Variants in IL1RAPL1 observed in about 807,000 individuals in gnomAD.
IL1RAPL1 encodes the protein interleukin 1 receptor accessory protein like 1.
IL1RAPL1 carries 3 observed loss-of-function variants against 48.4 expected under a neutral mutation model. The ratio of observed to expected loss-of-function variants is 0.06; its 90% confidence interval spans 0.03 to 0.16. The LOEUF is 0.16. Among genes scored for constraint, IL1RAPL1 ranks in the 10% least tolerant of loss-of-function variants. The pLI is 1.00. For missense variants in IL1RAPL1, 349 were observed against 530.6 expected (o/e 0.66, Z 3.36); for synonymous variants, 185 against 187.7 (o/e 0.99, Z 0.12).
At chrX:29,143,376 G>A (rs1929283182) in intron 2 of IL1RAPL1, among the ~76,000 whole-genome samples, 2 of 111,858 alleles carry the variant, frequency 1.8e-5, no homozygotes, top group African/African-American at 6.5e-5. Context: ...GGTTTAGGGG[G>A]AACAAAGATA....
At chrX:29,288,345 G>T (rs1030025097) in intron 3 of IL1RAPL1, among the ~76,000 whole-genome samples, 2 of 110,314 alleles carry the variant, frequency 1.8e-5, no homozygotes, top group African/African-American at 6.6e-5. Flanking sequence ...AGTGTGTGTT[G>T]TTCCCCTCCC....
chrX:29,795,140 C>T (rs1417305964), intron 6 of IL1RAPL1, among the ~76,000 whole-genome samples: 3 of 111,790 alleles, frequency 2.7e-5, no homozygotes, highest in South Asian at 3.7e-4. Context: ...ATCCACATTA[C>T]GGAGATATTA....
chrX:29,650,338 A>G (rs1259468976), intron 5 of IL1RAPL1, among the ~76,000 whole-genome samples: 1 of 112,047 alleles, frequency 8.9e-6, no homozygotes, highest in Non-Finnish European at 1.9e-5. Flanking sequence ...AGCAAAAAGA[A>G]CAATGCTGGA....
chrX:29,589,678 T>C (rs899001559), intron 5 of IL1RAPL1, among the ~76,000 whole-genome samples: 5 of 111,427 alleles, frequency 4.5e-5, no homozygotes, highest in Non-Finnish European at 7.5e-5. Context: ...TATTATATAT[T>C]AATTAGTAGG....
intron 6 of IL1RAPL1, among the ~76,000 whole-genome samples, chrX:29,837,002 G>A: frequency 9.1e-6 from 1 of 109,533 alleles, no homozygotes; most frequent in East Asian, 2.9e-4. Flanking sequence ...GCTCATGCCT[G>A]TAATCCCAGC....
At chrX:28,962,882 ATGTG>A (rs56826606) in intron 2 of IL1RAPL1, among the ~76,000 whole-genome samples, 2,921 of 95,932 alleles carry the variant, frequency 0.03, 48 homozygotes, top group Non-Finnish European at 0.048. Flanking sequence ...GTCTGTGTGT[ATGTG>A]TGTGTGTGTG....
In IL1RAPL1 at chrX:29,851,942, C is replaced by A. The variant is rs1222800463; in HGVS notation, c.779-65522C>A. 6.2e-5 allele frequency among the ~76,000 whole-genome samples: 7 copies of A among 112,736 alleles called. No individual in the cohort carries two copies. In the Admixed American group the frequency reaches 6.6e-4, roughly 11 times the overall value. ...TTATGGACTGCAGCAATCAGAATAG[C>A]AAGTTATTCTTAAAACATAGTGATG... On this transcript the variant is annotated intron_variant, in intron 6 of 10. Transcript: ENST00000378993.
intron 6 of IL1RAPL1, among the ~76,000 whole-genome samples, chrX:29,886,491 T>G (rs143782790): frequency 1.7e-3 from 192 of 112,197 alleles, no homozygotes; most frequent in African/African-American, 5.9e-3. Context: ...GAAGTTCCCC[T>G]TAGGCATTGA....
At chrX:29,646,684 A>G (rs1222476047) in intron 5 of IL1RAPL1, among the ~76,000 whole-genome samples, 2 of 110,655 alleles carry the variant, frequency 1.8e-5, no homozygotes, top group African/African-American at 6.6e-5. Context: ...AAGATCAAAG[A>G]CAAAGAGAAG....
chrX:29,887,315 G>A (rs553851710), intron 6 of IL1RAPL1, among the ~76,000 whole-genome samples: 6 of 112,369 alleles, frequency 5.3e-5, no homozygotes, highest in South Asian at 3.7e-4. Context: ...AACATTTAAC[G>A]TTAAGAAGCA....
intron 2 of IL1RAPL1, among the ~76,000 whole-genome samples, chrX:29,192,883 T>A (rs754179760): frequency 9.0e-5 from 10 of 111,549 alleles, no homozygotes; most frequent in African/African-American, 3.2e-4. Flanking sequence ...AGTATGTTAG[T>A]ACTAACCATT....
chrX:29,823,157 T>C (rs1930657445), intron 6 of IL1RAPL1, among the ~76,000 whole-genome samples: 1 of 111,563 alleles, frequency 9.0e-6, no homozygotes, highest in African/African-American at 3.3e-5. Flanking sequence ...CATGATAAGA[T>C]TAAAGGTCCT....
intron 2 of IL1RAPL1, among the ~76,000 whole-genome samples, chrX:28,890,789 CAATT>C (rs1922751844): frequency 8.9e-6 from 1 of 111,984 alleles, no homozygotes; most frequent in Non-Finnish European, 1.9e-5. Context: ...TCTTGTCTGA[CAATT>C]AAGCAACAAA....
intron 6 of IL1RAPL1, among the ~76,000 whole-genome samples, chrX:29,853,539 C>T (rs1189505586): frequency 4.5e-5 from 5 of 110,976 alleles, no homozygotes; most frequent in African/African-American, 1.6e-4. Context: ...ATCAAGTTAT[C>T]TGATGCTTTT....
intron 5 of IL1RAPL1, among the ~76,000 whole-genome samples, chrX:29,521,486 A>G (rs143177740): frequency 0.011 from 1,216 of 112,446 alleles, 16 homozygotes; most frequent in African/African-American, 0.035. Context: ...TTACCAAAAG[A>G]TTATCAGAAA....
At position 29,166,584 on chromosome X, in the gene IL1RAPL1, A is replaced by G. The variant is rs746590859; in HGVS notation, c.83-116354A>G. Among the ~76,000 whole-genome samples, 3 of 111,906 alleles carry G rather than the reference A, an allele frequency of 2.7e-5. No individual in the cohort carries two copies. The South Asian group carries it at 1.1e-3, about 42-fold the overall frequency. ...TCAGGCCTATTTTTTAATGTGTAAA[A>G]TTTTAAATTTTTTGTTTAAAAATGC... On this transcript the variant is annotated intron_variant, in intron 2 of 10. Coordinates refer to ENST00000378993, the MANE Select transcript of IL1RAPL1 (RefSeq NM_014271.4).
intron 2 of IL1RAPL1, among the ~76,000 whole-genome samples, chrX:28,911,803 A>T (rs761749474): frequency 9.2e-6 from 1 of 109,208 alleles, no homozygotes; most frequent in Non-Finnish European, 1.9e-5. Flanking sequence ...GCTAGAAGGT[A>T]TATTGCTTCC....
At chrX:29,110,529 G>A (rs1928541507) in intron 2 of IL1RAPL1, among the ~76,000 whole-genome samples, 1 of 111,751 alleles carries the variant, frequency 8.9e-6, no homozygotes, top group Non-Finnish European at 1.9e-5. Context: ...TTTACGTATT[G>A]TAAGGTGGTT....
At chrX:29,521,092 T>G (rs1935497628) in intron 5 of IL1RAPL1, among the ~76,000 whole-genome samples, 1 of 112,653 alleles carries the variant, frequency 8.9e-6, no homozygotes, top group African/African-American at 3.2e-5. Flanking sequence ...AAGTGTTATC[T>G]AAGACAATAC....
Sources: gnomAD v4.1 joint callset for allele counts (sites outside exome capture counted in the v4.1 genomes callset) on GRCh38, gnomAD v4.1.1 for gene constraint, MANE v1.5 for transcripts, NCBI Gene and HGNC (gene_info 2026-07-23, HGNC 2026-07-21) for gene names.